The following LRP1B variants were observed in gnomAD, a reference collection of about 807,000 sequenced individuals.
The protein encoded by LRP1B is low-density lipoprotein receptor-related protein 1B.
A neutral mutation model predicts 556.6 loss-of-function variants in LRP1B; 217 were observed. The observed-to-expected ratio is 0.39, with a 90% CI of 0.35 to 0.44. LRP1B has a LOEUF of 0.44. LRP1B is among the 20% of genes least tolerant of loss of function. The pLI is 1.00. For missense variants in LRP1B, 5,053 were observed against 5,620.8 expected (o/e 0.90, Z 3.23); for synonymous variants, 2,047 against 1,865.8 (o/e 1.10, Z -2.50).
At chr2:141,553,724 CTATATAA>C (rs1370002478) in intron 2 of LRP1B, among the ~76,000 whole-genome samples, 3 of 21,644 alleles carry the variant, frequency 1.4e-4, no homozygotes, top group African/African-American at 1.7e-4. Context: ...TTTTATATAT[CTATATAA>C]TATATTATAT....
At chr2:141,550,095 T>G (rs76484458) in intron 2 of LRP1B, among the ~76,000 whole-genome samples, 233 of 152,320 alleles carry the variant, frequency 1.5e-3, no homozygotes, top group African/African-American at 5.4e-3. Context: ...CTACATGCAT[T>G]TTATGTTTGG....
At chr2:141,014,586 A>T (rs1697849589) in intron 13 of LRP1B, among the ~76,000 whole-genome samples, 1 of 152,110 alleles carries the variant, frequency 6.6e-6, no homozygotes, top group East Asian at 1.9e-4. Flanking sequence ...TGAGAAAATT[A>T]TCTAAATAAT....
intron 11 of LRP1B, among the ~76,000 whole-genome samples, chr2:141,020,592 C>T (rs1698036789): frequency 6.6e-6 from 1 of 151,936 alleles, no homozygotes; most frequent in Admixed American, 6.6e-5. Flanking sequence ...ACAGTTTCAG[C>T]AGGGGCACAA....
At chr2:141,710,093 C>A (rs952922374) in intron 2 of LRP1B, among the ~76,000 whole-genome samples, 4 of 152,230 alleles carry the variant, frequency 2.6e-5, no homozygotes, top group African/African-American at 9.6e-5. Context: ...TACCATTACA[C>A]TGGGGGATTA....
In LRP1B at chr2:140,701,774, C is replaced by T. The variant is rs1686651320; in HGVS notation, c.6374G>A (p.Gly2125Asp). ...AACCTCCTTCAGGTTGACTCCAAGG[C>T]CGGTTCTCATGGTTATCGTTTCTGT... ...DATETITMRT[G>D]LGVNLKEVKI... Residue 2125 changes from glycine to aspartate, a missense_variant, in exon 40 of 91, where the codon GGC becomes GAC. This residue lies in a region of LRP1B where 3,619 missense variants were observed against 3,931.9 expected (regional missense o/e 0.92). Transcript: ENST00000389484. 6.2e-7 allele frequency: 1 copy of T among 1,613,036 alleles called. No homozygotes were observed. Among genetic ancestry groups the T allele is most frequent in the Non-Finnish European group, 8.5e-7 (1 of 1,179,404 alleles).
At chr2:140,863,358 T>C (rs1692855826) in intron 27 of LRP1B, among the ~76,000 whole-genome samples, 1 of 152,172 alleles carries the variant, frequency 6.6e-6, no homozygotes, top group African/African-American at 2.4e-5. Flanking sequence ...GGCAGCATCA[T>C]ATCCCCTGGG....
rs376816934 is a variant in LRP1B, at chr2:140,537,041, C to G, written c.7514-332G>C. Among the ~76,000 whole-genome samples the G allele has an allele frequency of 5.3e-5, 8 of 150,570 alleles. No individual in the cohort carries two copies. The Admixed American group carries it at 5.3e-4, about 10-fold the overall frequency. ...AAAAAATTAGCCAGGCATGGTGGCA[C>G]GCGCCTGTAGTCCCAGCTACTTGGG... On this transcript the variant is annotated intron_variant, in intron 45 of 90. Transcript: ENST00000389484.
At chr2:141,803,115 G>A (rs184977944) in intron 2 of LRP1B, among the ~76,000 whole-genome samples, 76 of 151,632 alleles carry the variant, frequency 5.0e-4, no homozygotes, top group African/African-American at 1.6e-3. Context: ...TCAGGAGACC[G>A]AAAAGCACTG....
intron 31 of LRP1B, among the ~76,000 whole-genome samples, chr2:140,824,237 C>T (rs898438040): frequency 1.4e-4 from 22 of 152,070 alleles, no homozygotes; most frequent in African/African-American, 5.1e-4. Context: ...GAGGCACGCA[C>T]AGTGAAAATA....
intron 1 of LRP1B, among the ~76,000 whole-genome samples, chr2:142,065,810 A>C (rs1247488717): frequency 6.6e-6 from 1 of 151,318 alleles, no homozygotes; most frequent in Non-Finnish European, 1.5e-5. Flanking sequence ...AAAATCCAAA[A>C]ACTTATTTAA....
At chr2:141,040,448 G>A (rs1317100994) in intron 11 of LRP1B, among the ~76,000 whole-genome samples, 5 of 151,948 alleles carry the variant, frequency 3.3e-5, no homozygotes, top group African/African-American at 1.2e-4. Context: ...AAATCCAAGG[G>A]TAAGAGGTGA....
intron 43 of LRP1B, among the ~76,000 whole-genome samples, chr2:140,558,061 C>T (rs1421166746): frequency 2.6e-5 from 4 of 152,044 alleles, no homozygotes; most frequent in African/African-American, 9.7e-5. Context: ...GTCAAATCCA[C>T]GATGAAATAT....
At chr2:140,421,176 AC>A (rs1269672223) in intron 66 of LRP1B, among the ~76,000 whole-genome samples, 2 of 151,938 alleles carry the variant, frequency 1.3e-5, no homozygotes, top group Non-Finnish European at 2.9e-5. Flanking sequence ...AGTCGCTTGA[AC>A]CCTGGAGACA....
At chr2:141,289,381 C>CAAAAAAA (rs34784985) in intron 3 of LRP1B, among the ~76,000 whole-genome samples, 6 of 43,464 alleles carry the variant, frequency 1.4e-4, no homozygotes, top group South Asian at 1.0e-3. Flanking sequence ...GACTCCATCT[C>CAAAAAAA]AAAAAAAAAA....
At chr2:141,746,600 A>G (rs1693922372) in intron 2 of LRP1B, among the ~76,000 whole-genome samples, 1 of 152,076 alleles carries the variant, frequency 6.6e-6, no homozygotes, top group Non-Finnish European at 1.5e-5. Context: ...CATGAAGTTA[A>G]AACCAGGTAC....
At chr2:141,220,748 G>A (rs1683002864) in intron 6 of LRP1B, among the ~76,000 whole-genome samples, 2 of 149,930 alleles carry the variant, frequency 1.3e-5, no homozygotes, top group Non-Finnish European at 3.0e-5. Context: ...GAAGAGATTG[G>A]GGGCCAATAT....
At chr2:140,950,607 C>T (rs2105300770) in intron 19 of LRP1B, among the ~76,000 whole-genome samples, 1 of 152,176 alleles carries the variant, frequency 6.6e-6, no homozygotes, top group Admixed American at 6.6e-5. Context: ...ACTCCAGCCT[C>T]CCAAGTAAGT....
At chr2:141,698,490 A>G (rs1425554302) in intron 2 of LRP1B, among the ~76,000 whole-genome samples, 1 of 117,786 alleles carries the variant, frequency 8.5e-6, no homozygotes, top group Non-Finnish European at 1.7e-5. Context: ...TCTGTTGTAC[A>G]CTTAAAAAAA....
chr2:140,389,745 T>TTATATATA (rs71408454), intron 66 of LRP1B, among the ~76,000 whole-genome samples: 47 of 147,362 alleles, frequency 3.2e-4, no homozygotes, highest in African/African-American at 1.1e-3. Context: ...ATATATAGTT[T>TTATATATA]TATATATATA....
Sources: allele counts gnomAD v4.1 joint callset (sites outside exome capture counted in the v4.1 genomes callset), GRCh38; gene constraint gnomAD v4.1.1; regional missense constraint gnomAD v4.1.1; transcripts MANE v1.5; gene names NCBI Gene and HGNC (gene_info 2026-07-23, HGNC 2026-07-21).